Variants in TYW1B observed in about 807,000 individuals in gnomAD.
The protein encoded by TYW1B is S-adenosyl-L-methionine-dependent tRNA 4-demethylwyosine synthase TYW1B.
In TYW1B, 73 loss-of-function variants were observed where a neutral mutation model predicts 86.9. The ratio of observed to expected loss-of-function variants is 0.84; its 90% CI spans 0.70 to 1.02. TYW1B has a LOEUF of 1.02. TYW1B is among the 50% of genes least tolerant of loss of function. The probability of loss-of-function intolerance (pLI) is 0.00; values close to 1 mark genes in which losing one functional copy is unlikely to be tolerated. For missense variants in TYW1B, 637 were observed against 827.4 expected (o/e 0.77, Z 2.82); for synonymous variants, 248 against 292.8 (o/e 0.85, Z 1.56).
At chr7:72,722,656 A>T (rs1453842297) in intron 9 of TYW1B, among the ~76,000 whole-genome samples, 1 of 152,244 alleles carries the variant, frequency 6.6e-6, no homozygotes, top group Non-Finnish European at 1.5e-5. Context: ...ACAAAAGACA[A>T]GCATTGAAAA....
intron 12 of TYW1B, among the ~76,000 whole-genome samples, chr7:72,618,295 C>A (rs770260639): frequency 2.8e-5 from 4 of 143,926 alleles, no homozygotes; most frequent in Non-Finnish European, 5.9e-5. Context: ...CGGCTCACTG[C>A]AGCCTCCGCC....
intron 10 of TYW1B, among the ~76,000 whole-genome samples, chr7:72,702,031 A>G (rs1814488878): frequency 1.3e-5 from 2 of 152,348 alleles, no homozygotes; most frequent in Admixed American, 1.3e-4. Flanking sequence ...TCCCAGGAAT[A>G]CGATGGAGCT....
chr7:72,809,234 A>G (rs111242996), intron 4 of TYW1B, among the ~76,000 whole-genome samples: 118,853 of 151,734 alleles, frequency 0.78, 46,736 homozygotes, highest in Middle Eastern at 0.8. Flanking sequence ...TAGTAGAGAC[A>G]GGGTTTCACC....
intron 11 of TYW1B, among the ~76,000 whole-genome samples, chr7:72,662,726 AT>A (rs1350462811): frequency 6.6e-6 from 1 of 151,988 alleles, no homozygotes. Context: ...TAATGGCATA[AT>A]TTTTTTTATT....
At chr7:72,703,065 C>T (rs1343201242) in intron 10 of TYW1B, among the ~76,000 whole-genome samples, 1 of 138,682 alleles carries the variant, frequency 7.2e-6, no homozygotes, top group African/African-American at 2.7e-5. Context: ...CGCTCTTTCT[C>T]CCAGGCCAGA....
At chr7:72,802,379 C>T (rs781787322) in intron 6 of TYW1B, 21 bp downstream of exon 6, 3 of 1,613,510 alleles carry the variant, frequency 1.9e-6, no homozygotes, top group Non-Finnish European at 2.5e-6. Flanking sequence ...CCAAGTGCAA[C>T]ATTTCCCAAA....
chr7:72,779,243 G>A (rs1169227106), intron 6 of TYW1B, among the ~76,000 whole-genome samples: 1 of 152,216 alleles, frequency 6.6e-6, no homozygotes, highest in African/African-American at 2.4e-5. Context: ...ATATCTCACA[G>A]ATGAGGTCTG....
At chr7:72,731,888 C>T (rs1387942183) in intron 8 of TYW1B, among the ~76,000 whole-genome samples, 2 of 151,988 alleles carry the variant, frequency 1.3e-5, no homozygotes, top group East Asian at 1.9e-4. Context: ...TGCAGTGAAC[C>T]GAGATTGTGC....
intron 3 of TYW1B, among the ~76,000 whole-genome samples, chr7:72,811,018 T>C (rs2129572713): frequency 6.6e-6 from 1 of 152,002 alleles, no homozygotes; most frequent in East Asian, 1.9e-4. Context: ...AAGCCTGTAA[T>C]CCCAGCACTT....
chr7:72,773,243 C>A (rs1585973065), intron 7 of TYW1B, among the ~76,000 whole-genome samples: 1 of 152,174 alleles, frequency 6.6e-6, no homozygotes, highest in African/African-American at 2.4e-5. Context: ...TATAAGCCAA[C>A]AGTGTACAGT....
intron 11 of TYW1B, among the ~76,000 whole-genome samples, chr7:72,661,069 A>G (rs1157660559): frequency 6.6e-6 from 1 of 151,210 alleles, no homozygotes; most frequent in African/African-American, 2.4e-5. Flanking sequence ...CAGGAGGCGG[A>G]GGTTGCAGTG....
intron 6 of TYW1B, among the ~76,000 whole-genome samples, chr7:72,788,162 G>A (rs1788160832): frequency 6.6e-6 from 1 of 151,962 alleles, no homozygotes; most frequent in African/African-American, 2.4e-5. Context: ...GTATTTTTTA[G>A]TAGAGATGGG....
intron 13 of TYW1B, among the ~76,000 whole-genome samples, chr7:72,602,808 G>T (rs1163103037): frequency 4.9e-5 from 7 of 143,606 alleles, no homozygotes; most frequent in African/African-American, 1.3e-4. Context: ...GGAGAATCTT[G>T]TAGTGCCAGA....
intron 11 of TYW1B, among the ~76,000 whole-genome samples, chr7:72,652,807 T>C (rs1483565530): frequency 6.6e-6 from 1 of 152,206 alleles, no homozygotes; most frequent in Non-Finnish European, 1.5e-5. Flanking sequence ...GACAAGACCA[T>C]GAGATGTAAC....
intron 10 of TYW1B, among the ~76,000 whole-genome samples, chr7:72,706,431 CAAAAAAAAAAAA>C (rs59124514): frequency 1.1e-4 from 7 of 64,490 alleles, no homozygotes; most frequent in Non-Finnish European, 1.7e-4. Context: ...CCTCCATCTC[CAAAAAAAAAAAA>C]AAAAAAAAAA....
chr7:72,707,336 T>G (rs1191712090), intron 10 of TYW1B, among the ~76,000 whole-genome samples: 1 of 152,244 alleles, frequency 6.6e-6, no homozygotes, highest in Non-Finnish European at 1.5e-5. Context: ...TAGAGGCCCC[T>G]GGGCCCCAGC....
At chr7:72,598,019 T>C (rs1313342096) in intron 13 of TYW1B, among the ~76,000 whole-genome samples, 29 of 152,176 alleles carry the variant, frequency 1.9e-4, no homozygotes, top group African/African-American at 3.9e-4. Flanking sequence ...ATGGTTAATA[T>C]TGAGTGTCAA....
At position 72,632,475 on chromosome 7, in the gene TYW1B, A is replaced by AATATATATATACATATATATATAAT. The variant is rs1563039073; in HGVS notation, c.1507-3479_1507-3478insATTATATATATATGTATATATATAT. ...AATATATATATACATATATATATAA[A>AATATATATATACATATATATATAAT]ATATATATATACACATATATACATA... On this transcript the variant is annotated intron_variant, in intron 11 of 13. Transcript: ENST00000620995. Among the ~76,000 whole-genome samples, 18 of 130,406 alleles carry AATATATATATACATATATATATAAT rather than the reference A, an allele frequency of 1.4e-4. 1 individual carries two copies. In the East Asian group the frequency reaches 2.7e-3, roughly 20 times the overall value. 85.6% of individuals were successfully genotyped at this position (130,406 alleles called of 152,430 possible).
At chr7:72,774,687 C>T (rs1378816405) in intron 7 of TYW1B, among the ~76,000 whole-genome samples, 9 of 151,940 alleles carry the variant, frequency 5.9e-5, no homozygotes, top group Admixed American at 1.3e-4. Context: ...GCCAAGATCA[C>T]GCCACTGCGC....
Sources: gnomAD v4.1 joint callset for allele counts (sites outside exome capture counted in the v4.1 genomes callset) on GRCh38, gnomAD v4.1.1 for gene constraint, MANE v1.5 for transcripts, NCBI Gene and HGNC (gene_info 2026-07-23, HGNC 2026-07-21) for gene names.